Variants in ZNF608 observed in about 807,000 individuals in gnomAD.
The protein encoded by ZNF608 is zinc finger protein 608.
In ZNF608, 12 loss-of-function variants were observed where a neutral mutation model predicts 109.0. The ratio of observed to expected loss-of-function variants is 0.11; its 90% CI spans 0.07 to 0.18. The LOEUF (loss-of-function observed/expected upper bound fraction) is 0.18, where lower values mean the gene tolerates loss of function less well. Ranked by LOEUF, ZNF608 falls within the 10% of genes least tolerant of loss-of-function variation. The pLI is 1.00. For missense variants in ZNF608, 1,707 were observed against 1,879.3 expected (o/e 0.91, Z 1.70); for synonymous variants, 732 against 717.4 (o/e 1.02, Z -0.33).
chr5:124,648,113 A>T lies in ZNF608; in HGVS notation c.2271T>A (p.Phe757Leu). ...GTATTGTCCCAGTGGTGGTCGTTGTAAAGGTTGCAGTGGGTATAGCGATTA... is the reference window on the plus strand; with the variant it reads ...GTATTGTCCCAGTGGTGGTCGTTGTTAAGGTTGCAGTGGGTATAGCGATTA... Reference protein sequence around the residue: ...PQLIAIPTATFTTTTTGTIPG... With the variant: ...PQLIAIPTATLTTTTTGTIPG... Residue 757 changes from phenylalanine to leucine, a missense_variant, in exon 5 of 10, where the codon TTT becomes TTA. Around this residue, in one of 7 missense-constraint regions of ZNF608, gnomAD observed 1,073 missense variants for 1,133.5 expected, o/e 0.95. Coordinates refer to ENST00000513986, the MANE Select transcript of ZNF608 (RefSeq NM_020747.3). 6.2e-7 allele frequency: 1 copy of T among 1,614,074 alleles called. No individual in the cohort carries two copies. The highest frequency in any genetic ancestry group is 8.5e-7 in the Non-Finnish European group (1 of 1,180,028).
At chr5:124,678,984 G>C (rs1475281815) in intron 3 of ZNF608, among the ~76,000 whole-genome samples, 3 of 152,126 alleles carry the variant, frequency 2.0e-5, no homozygotes, top group Non-Finnish European at 4.4e-5. Context: ...TTACATGAAG[G>C]AGCAAGAAAA....
chr5:124,685,792 A>G (rs1752389403), intron 3 of ZNF608, among the ~76,000 whole-genome samples: 1 of 152,204 alleles, frequency 6.6e-6, no homozygotes, highest in Non-Finnish European at 1.5e-5. Context: ...AGCCATCACT[A>G]GAGCCACAGA....
chr5:124,668,218 T>A (rs1387190531), intron 3 of ZNF608, among the ~76,000 whole-genome samples: 11 of 137,946 alleles, frequency 8.0e-5, no homozygotes, highest in South Asian at 2.3e-4. Flanking sequence ...ATATATATAT[T>A]ATATATATAT....
intron 5 of ZNF608, among the ~76,000 whole-genome samples, chr5:124,646,381 AAG>A (rs1458396398): frequency 6.6e-6 from 1 of 152,190 alleles, no homozygotes; most frequent in African/African-American, 2.4e-5. Context: ...AATTTAAAAA[AAG>A]AAATTAATGG....
At chr5:124,680,890 TGAGG>T (rs1752166336) in intron 3 of ZNF608, among the ~76,000 whole-genome samples, 1 of 151,520 alleles carries the variant, frequency 6.6e-6, no homozygotes, top group African/African-American at 2.4e-5. Flanking sequence ...AAAAACTACA[TGAGG>T]GAAATGAAAA....
chr5:124,669,025 C>T (rs933985469), intron 3 of ZNF608, among the ~76,000 whole-genome samples: 2 of 152,082 alleles, frequency 1.3e-5, no homozygotes, highest in African/African-American at 4.8e-5. Context: ...AGAAGACTAC[C>T]TATTGCAAAG....
chr5:124,647,122 A>G lies in ZNF608; in HGVS notation c.3262T>C (p.Tyr1088His). The G allele has an allele frequency of 6.2e-7, 1 of 1,614,184 alleles. No homozygotes were observed. The highest frequency in any genetic ancestry group is 8.5e-7 in the Non-Finnish European group (1 of 1,180,030). ...GCCATCAGAGACTTCTGGTCCATAT[A>G]GAGCCCATATGCATACTGGCCATAA... ...LYYGQYAYGL[Y>H]MDQKSLMATS... The change falls in exon 5 of 10, where the codon TAT becomes CAT. Residue 1088 changes from tyrosine (Y) to histidine (H), a missense_variant. Tyr to His is a moderately conservative substitution (Grantham distance 83). Around this residue, in one of 7 missense-constraint regions of ZNF608, gnomAD observed 1,073 missense variants for 1,133.5 expected, o/e 0.95. Coordinates refer to ENST00000513986, the MANE Select transcript of ZNF608 (RefSeq NM_020747.3).
intron 3 of ZNF608, among the ~76,000 whole-genome samples, chr5:124,661,996 G>A (rs1177797091): frequency 6.6e-6 from 1 of 152,110 alleles, no homozygotes; most frequent in Non-Finnish European, 1.5e-5. Context: ...AATAGTTTCC[G>A]AAGTCACTCT....
chr5:124,680,281 GA>G (rs1202738259), intron 3 of ZNF608, among the ~76,000 whole-genome samples: 1 of 150,558 alleles, frequency 6.6e-6, no homozygotes, highest in Non-Finnish European at 1.5e-5. Flanking sequence ...CAGCTATGAA[GA>G]AATTACAACA....
At chr5:124,669,904 T>C (rs1751645341) in intron 3 of ZNF608, among the ~76,000 whole-genome samples, 1 of 152,114 alleles carries the variant, frequency 6.6e-6, no homozygotes, top group African/African-American at 2.4e-5. Flanking sequence ...ACATAAACTG[T>C]GTTGAGTTTT....
chr5:124,748,254 A>G (rs79912768), upstream of ZNF608, among the ~76,000 whole-genome samples: 3 of 152,294 alleles, frequency 2.0e-5, no homozygotes, highest in Non-Finnish European at 4.4e-5. Context: ...ACTGCAGACC[A>G]GGATATGCAA....
intron 2 of ZNF608, chr5:124,708,876 T>G (rs781196228): frequency 6.9e-6 from 3 of 432,062 alleles, no homozygotes; most frequent in Non-Finnish European, 1.4e-5. Flanking sequence ...AATTCCAGAA[T>G]GCCAAAAATC....
At chr5:124,736,210 G>A (rs562787181) in intron 2 of ZNF608, among the ~76,000 whole-genome samples, 117 of 152,304 alleles carry the variant, frequency 7.7e-4, no homozygotes, top group Admixed American at 2.0e-3. Context: ...CATAACTAAA[G>A]TGCGGCTGTG....
chr5:124,645,140 A>G (rs1004115289), intron 5 of ZNF608, among the ~76,000 whole-genome samples: 4 of 152,256 alleles, frequency 2.6e-5, no homozygotes, highest in African/African-American at 7.2e-5. Context: ...AGCTATTAAC[A>G]TCACTTAGGA....
chr5:124,684,803 A>G (rs1580618317), intron 3 of ZNF608, among the ~76,000 whole-genome samples: 2 of 152,184 alleles, frequency 1.3e-5, no homozygotes, highest in South Asian at 4.1e-4. Flanking sequence ...TTTTGTTTTA[A>G]TTCGGTTTTT....
chr5:124,746,070 T>C (rs1480758740), intron 1 of ZNF608, 125 bp downstream of exon 1: 3 of 961,006 alleles, frequency 3.1e-6, no homozygotes, highest in Non-Finnish European at 2.5e-6. Context: ...CAAATGAGTG[T>C]GTTTGACAAA....
chr5:124,641,544 AAG>A, intron 7 of ZNF608, 139 bp from the exon 8 acceptor site: 9 of 1,009,412 alleles, frequency 8.9e-6, no homozygotes, highest in South Asian at 2.1e-5. Context: ...TTAGTAACTA[AAG>A]AGAATTTCAA....
At chr5:124,710,065 A>G (rs1395613041) in intron 2 of ZNF608, 1 of 300,198 alleles carries the variant, frequency 3.3e-6, no homozygotes, top group East Asian at 8.9e-5. Context: ...ACACATGAAT[A>G]ATGCATGTAT....
rs753570104 is a variant in ZNF608 at position 124,647,635 on chromosome 5, C to A, written c.2749G>T (p.Ala917Ser). 1.2e-6 allele frequency: 2 copies of A among 1,614,214 alleles called. No individual in the cohort carries two copies. Among genetic ancestry groups the A allele is most frequent in the Admixed American group, 1.7e-5 (1 of 60,034 alleles). ...TTCTGGGTCAACACATGCAGAGGTG[C>A]CATTGGTGCCTGCCCGTTCACCAAA... is the stretch of plus-strand genomic sequence containing the variant. The part of the protein sequence containing the change: ...STLVNGQAPM[A>S]PLHVLTQNGA... The change falls in exon 5 of 10, where the codon GCA (alanine) becomes TCA (serine). Residue 917 changes from alanine (A) to serine (S), a missense_variant. Ala to Ser is a moderately conservative substitution (Grantham distance 99). Transcript: ENST00000513986.
Sources: allele counts gnomAD v4.1 joint callset (sites outside exome capture counted in the v4.1 genomes callset), GRCh38; gene constraint gnomAD v4.1.1; regional missense constraint gnomAD v4.1.1; transcripts MANE v1.5; gene names NCBI Gene and HGNC (gene_info 2026-07-23, HGNC 2026-07-21).